The following BMPER variants were observed in gnomAD, a reference collection of about 807,000 sequenced individuals.
The protein encoded by BMPER is BMP-binding endothelial regulator protein.
A neutral mutation model predicts 87.3 loss-of-function variants in BMPER; 45 were observed. The ratio of observed to expected loss-of-function variants is 0.52; its 90% CI spans 0.41 to 0.66. BMPER has a LOEUF of 0.66. BMPER is among the 30% of genes least tolerant of loss of function. BMPER has a pLI of 0.00. For missense variants in BMPER, 784 were observed against 867.5 expected (o/e 0.90, Z 1.21); for synonymous variants, 326 against 316.2 (o/e 1.03, Z -0.33).
At chr7:33,931,022 T>A (rs1784467097) in intron 2 of BMPER, among the ~76,000 whole-genome samples, 2 of 152,196 alleles carry the variant, frequency 1.3e-5, no homozygotes, top group South Asian at 2.1e-4. Flanking sequence ...TCAGCTTTTG[T>A]TTCCGTCTCT....
chr7:33,917,247 A>T (rs1784107213), intron 2 of BMPER, among the ~76,000 whole-genome samples: 1 of 152,130 alleles, frequency 6.6e-6, no homozygotes, highest in Non-Finnish European at 1.5e-5. Context: ...AGTGAGGCTA[A>T]CTCTGAAATC....
chr7:34,020,876 A>G (rs1787164202), intron 6 of BMPER, among the ~76,000 whole-genome samples: 1 of 151,644 alleles, frequency 6.6e-6, no homozygotes, highest in South Asian at 2.1e-4. Flanking sequence ...ACACACACAC[A>G]CACACACACA....
intron 6 of BMPER, among the ~76,000 whole-genome samples, chr7:33,998,788 A>T (rs1377624459): frequency 2.6e-5 from 4 of 152,248 alleles, no homozygotes; most frequent in Non-Finnish European, 5.9e-5. Context: ...GGCCTGGCAG[A>T]TGACAGAGTC....
In BMPER at chr7:34,078,932, C is replaced by A. The variant is rs560058928; in HGVS notation, c.1154C>A (p.Thr385Lys). ...GGTCGGACATTTAACTTTCAGGGGA[C>A]GTGTCAGTACGTTTTGACAAAAGAC... ...FDGRTFNFQG[T>K]CQYVLTKDCS... Residue 385 changes from threonine (T) to lysine (K), a missense_variant, in exon 12 of 15, where the codon ACG (threonine) becomes AAG (lysine). Physicochemically the swap from Thr to Lys is moderately conservative, Grantham distance 78. Transcript: ENST00000649409. 1 of 1,614,062 alleles carries A rather than the reference C, an allele frequency of 6.2e-7. No homozygotes were observed. Among genetic ancestry groups the A allele is most frequent in the African/African-American group, 1.3e-5 (1 of 74,912 alleles).
intron 6 of BMPER, among the ~76,000 whole-genome samples, chr7:33,975,904 G>A (rs773086663): frequency 7.9e-5 from 12 of 151,970 alleles, no homozygotes; most frequent in Non-Finnish European, 1.8e-4. Context: ...GAAATATGAC[G>A]AAATGTGATG....
chr7:33,962,468 G>T (rs1369560665), intron 3 of BMPER, among the ~76,000 whole-genome samples: 1 of 152,160 alleles, frequency 6.6e-6, no homozygotes, highest in Non-Finnish European at 1.5e-5. Context: ...AAAATGTTGA[G>T]CTGGTTAATT....
intron 3 of BMPER, among the ~76,000 whole-genome samples, chr7:33,956,858 G>A (rs1785160486): frequency 6.6e-6 from 1 of 152,128 alleles, no homozygotes; most frequent in South Asian, 2.1e-4. Flanking sequence ...TAGGCTATTA[G>A]GTATGTTTTT....
intron 3 of BMPER, among the ~76,000 whole-genome samples, chr7:33,965,684 C>T (rs986956314): frequency 6.6e-6 from 1 of 152,132 alleles, no homozygotes; most frequent in African/African-American, 2.4e-5. Flanking sequence ...CTTCCTAGAT[C>T]GTGTAACCCA....
chr7:34,032,588 A>G (rs1041343497), intron 6 of BMPER, among the ~76,000 whole-genome samples: 10 of 152,140 alleles, frequency 6.6e-5, no homozygotes, highest in Admixed American at 2.0e-4. Context: ...TTTTGCTTAT[A>G]CTATTGGGCT....
At chr7:34,045,885 C>T (rs547127755) in intron 6 of BMPER, among the ~76,000 whole-genome samples, 36 of 152,236 alleles carry the variant, frequency 2.4e-4, no homozygotes, top group Admixed American at 4.6e-4. Flanking sequence ...CCTTTGCTTG[C>T]TTGGCAGGAT....
chr7:34,046,484 G>A, intron 7 of BMPER, 79 bp downstream of exon 7: 1 of 1,438,958 alleles, frequency 6.9e-7, no homozygotes, highest in South Asian at 1.1e-5. Context: ...CCACGTTGTT[G>A]TTTTGAGATT....
chr7:34,125,959 G>C (rs1472722213), intron 13 of BMPER, among the ~76,000 whole-genome samples: 1 of 152,216 alleles, frequency 6.6e-6, no homozygotes, highest in Non-Finnish European at 1.5e-5. Flanking sequence ...CAATGTGCTA[G>C]TAACTGTGCT....
At chr7:33,993,727 G>T (rs995980022) in intron 6 of BMPER, among the ~76,000 whole-genome samples, 2 of 152,020 alleles carry the variant, frequency 1.3e-5, no homozygotes, top group Non-Finnish European at 2.9e-5. Context: ...TTTCTGTTCT[G>T]TTTTTTTCCC....
intron 4 of BMPER, among the ~76,000 whole-genome samples, chr7:33,968,331 C>A (rs535328962): frequency 6.6e-6 from 1 of 152,302 alleles, no homozygotes; most frequent in Admixed American, 6.5e-5. Context: ...TCAGCTGGGA[C>A]CTTCCCTTTC....
chr7:34,154,507 C>G lies in BMPER; in HGVS notation c.*1234C>G, dbSNP rs925435137. ...TAAGATGTAAAACAATGCATTTTCTCTCTCAAGATGTCCTGTGTTATACTT... is the reference window on the plus strand; with the variant it reads ...TAAGATGTAAAACAATGCATTTTCTGTCTCAAGATGTCCTGTGTTATACTT... On this transcript the variant is annotated 3_prime_UTR_variant, in exon 15 of 15. Transcript: ENST00000649409. 6.6e-6 allele frequency: 1 copy of G among 152,222 alleles called. No individual in the cohort carries two copies. The allele number at this position is 152,222 out of a possible 1,614,324, so 9.4% of individuals were successfully genotyped here.
At chr7:34,091,334 T>C (rs535153401) in intron 13 of BMPER, among the ~76,000 whole-genome samples, 1 of 152,368 alleles carries the variant, frequency 6.6e-6, no homozygotes, top group African/African-American at 2.4e-5. Flanking sequence ...AAGAACAACA[T>C]GCTTGAAAAC....
chr7:33,988,605 A>AT (rs1010715439), intron 6 of BMPER, among the ~76,000 whole-genome samples: 9 of 151,400 alleles, frequency 5.9e-5, no homozygotes, highest in East Asian at 1.9e-4. Flanking sequence ...TGGTATTTTT[A>AT]TTTTTTTTTA....
At chr7:34,106,471 G>A (rs554958837) in intron 13 of BMPER, among the ~76,000 whole-genome samples, 6 of 152,328 alleles carry the variant, frequency 3.9e-5, no homozygotes, top group South Asian at 2.1e-4. Flanking sequence ...ATGGTGCCCT[G>A]CATGTAGACA....
chr7:34,085,152 A>C (rs1246533466), intron 12 of BMPER, among the ~76,000 whole-genome samples: 1 of 152,256 alleles, frequency 6.6e-6, no homozygotes, highest in Non-Finnish European at 1.5e-5. Flanking sequence ...AACAGTGTCC[A>C]TGCCTCAGGA....
Sources: gnomAD v4.1 joint callset for allele counts (sites outside exome capture counted in the v4.1 genomes callset) on GRCh38, gnomAD v4.1.1 for gene constraint, MANE v1.5 for transcripts, NCBI Gene and HGNC (gene_info 2026-07-23, HGNC 2026-07-21) for gene names.